SLC14A2: variants seen among roughly 807,000 people sequenced by gnomAD.
The protein encoded by SLC14A2 is solute carrier family 14 member 2, also known as urea transporter 2.
SLC14A2 carries 91 observed loss-of-function variants against 104.6 expected under a neutral mutation model. The observed-to-expected ratio is 0.87, with a 90% confidence interval of 0.73 to 1.04. The LOEUF (loss-of-function observed/expected upper bound fraction) is 1.04, where lower values mean the gene tolerates loss of function less well. Ranked by LOEUF, SLC14A2 falls within the 50% of genes least tolerant of loss-of-function variation. SLC14A2 has a pLI of 0.00. For synonymous variants in SLC14A2, 476 were observed against 466.4 expected, an observed-to-expected ratio of 1.02 and a Z score of -0.27; for missense variants, 1,189 against 1,156.0, an observed-to-expected ratio of 1.03 and a Z score of -0.41.
the SLC14A2 span, among the ~76,000 whole-genome samples, chr18:45,181,610 T>C: frequency 1.6e-4 from 24 of 151,970 alleles, no homozygotes; most frequent in Admixed American, 2.6e-4. Context: ...ATCAAGCAAA[T>C]TCAAGCATAA....
chr18:45,505,232 C>T (rs530836746), intron 2 of SLC14A2, among the ~76,000 whole-genome samples: 1 of 152,132 alleles, frequency 6.6e-6, no homozygotes, highest in South Asian at 2.1e-4. Context: ...ACATGCCTCA[C>T]CACCACCACC....
At chr18:45,319,461 TCA>T (rs1233407173) in intron 1 of SLC14A2, among the ~76,000 whole-genome samples, 1 of 152,224 alleles carries the variant, frequency 6.6e-6, no homozygotes, top group African/African-American at 2.4e-5. Context: ...ATTACACTAC[TCA>T]CACATATAAC....
At chr18:45,289,024 G>A (rs946255482) in intron 1 of SLC14A2, among the ~76,000 whole-genome samples, 1 of 152,222 alleles carries the variant, frequency 6.6e-6, no homozygotes, top group Non-Finnish European at 1.5e-5. Flanking sequence ...ACCTTCAAGA[G>A]TAATCCCAAG....
chr18:45,574,888 G>A (rs796141688), intron 2 of SLC14A2, among the ~76,000 whole-genome samples: 2 of 152,250 alleles, frequency 1.3e-5, no homozygotes, highest in African/African-American at 4.8e-5. Context: ...TAGGCCATGT[G>A]TCCAAGCTTT....
At position 45,644,071 on chromosome 18, in the gene SLC14A2, G is replaced by A; in HGVS notation, c.1262G>A (p.Arg421Lys). The A allele has an allele frequency of 6.2e-7, 1 of 1,614,198 alleles. No individual in the cohort carries two copies. The highest frequency in any genetic ancestry group is 1.6e-4 in the Middle Eastern group (1 of 6,062). Residue 421 changes from arginine to lysine, a missense_variant, in exon 10 of 20, where the codon AGA (arginine) becomes AAA (lysine). Transcript: ENST00000255226. ...ACGACAAACAACCCAGCCATCTTCA[G>A]ACTCCCACTCAGCAAAGTCACCTAC... is the stretch of plus-strand genomic sequence containing the variant. ...LLTTNNPAIFRLPLSKVTYPE... is the reference protein window; with the variant it reads ...LLTTNNPAIFKLPLSKVTYPE...
upstream of SLC14A2, among the ~76,000 whole-genome samples, chr18:45,212,419 C>T (rs549296985): frequency 1.3e-5 from 2 of 152,258 alleles, no homozygotes; most frequent in East Asian, 3.9e-4. Flanking sequence ...TATACAAAGT[C>T]CATCAAATTT....
chr18:45,178,721 A>T, the SLC14A2 span, among the ~76,000 whole-genome samples: 2 of 152,184 alleles, frequency 1.3e-5, no homozygotes, highest in South Asian at 4.1e-4. Context: ...GTACAAGTGG[A>T]AGCAAAGTTT....
chr18:45,366,730 G>A (rs1322075830), intron 1 of SLC14A2, among the ~76,000 whole-genome samples: 1 of 152,156 alleles, frequency 6.6e-6, no homozygotes, highest in Non-Finnish European at 1.5e-5. Flanking sequence ...TGCTTACCTG[G>A]AGTATGTCTC....
At chr18:45,424,943 T>G (rs1340536397) in intron 1 of SLC14A2, among the ~76,000 whole-genome samples, 1 of 152,228 alleles carries the variant, frequency 6.6e-6, no homozygotes, top group Admixed American at 6.5e-5. Context: ...GCTATTTCTC[T>G]TGGTTTAGAG....
At chr18:45,391,961 T>C (rs1020955380) in intron 1 of SLC14A2, among the ~76,000 whole-genome samples, 2 of 152,248 alleles carry the variant, frequency 1.3e-5, no homozygotes, top group Non-Finnish European at 2.9e-5. Context: ...CTGGCTTTTG[T>C]TGCCATTGCT....
the SLC14A2 span, among the ~76,000 whole-genome samples, chr18:45,186,636 C>T: frequency 6.6e-6 from 1 of 152,104 alleles, no homozygotes; most frequent in African/African-American, 2.4e-5. Flanking sequence ...ACTGCAGTTG[C>T]AGGACAAACT....
chr18:45,626,604 C>G (rs1056576303), intron 3 of SLC14A2, among the ~76,000 whole-genome samples: 1 of 152,154 alleles, frequency 6.6e-6, no homozygotes, highest in Non-Finnish European at 1.5e-5. Flanking sequence ...CCCCACCCCC[C>G]CACCTTCCCC....
intron 1 of SLC14A2, among the ~76,000 whole-genome samples, chr18:45,372,420 T>G (rs1033175225): frequency 6.6e-6 from 1 of 152,148 alleles, no homozygotes; most frequent in Non-Finnish European, 1.5e-5. Flanking sequence ...TGGAAACATC[T>G]AACATAGCTT....
the SLC14A2 span, among the ~76,000 whole-genome samples, chr18:45,170,253 CTA>C: frequency 6.6e-6 from 1 of 152,008 alleles, no homozygotes; most frequent in Admixed American, 6.6e-5. Context: ...ATGAGTGACT[CTA>C]TGAATGGGTA....
intron 2 of SLC14A2, among the ~76,000 whole-genome samples, chr18:45,598,923 C>T (rs957847418): frequency 3.3e-5 from 5 of 152,168 alleles, no homozygotes; most frequent in Non-Finnish European, 7.3e-5. Context: ...GAAGGCTCTT[C>T]CTCCCAAGTA....
At chr18:45,413,967 A>G (rs2086241902) in intron 1 of SLC14A2, among the ~76,000 whole-genome samples, 1 of 152,194 alleles carries the variant, frequency 6.6e-6, no homozygotes, top group South Asian at 2.1e-4. Flanking sequence ...AAAAAAGAAA[A>G]TCACGTGGAG....
At chr18:45,461,655 A>G (rs1199249906) in intron 1 of SLC14A2, among the ~76,000 whole-genome samples, 2 of 152,200 alleles carry the variant, frequency 1.3e-5, no homozygotes. Context: ...GACAGAGCCC[A>G]TCATTGCCTG....
At chr18:45,538,551 T>C (rs931721659) in intron 2 of SLC14A2, among the ~76,000 whole-genome samples, 1 of 152,326 alleles carries the variant, frequency 6.6e-6, no homozygotes, top group Admixed American at 6.5e-5. Context: ...CCCTGTGGGC[T>C]TCCCCGTAGG....
intron 1 of SLC14A2, among the ~76,000 whole-genome samples, chr18:45,314,055 A>T (rs1189500762): frequency 5.3e-5 from 8 of 152,242 alleles, no homozygotes; most frequent in Admixed American, 2.0e-4. Flanking sequence ...TGACAAGCAC[A>T]GGCCTGACAC....
Sources: allele counts gnomAD v4.1 joint callset (sites outside exome capture counted in the v4.1 genomes callset), GRCh38; gene constraint gnomAD v4.1.1; transcripts MANE v1.5; gene names NCBI Gene and HGNC (gene_info 2026-07-23, HGNC 2026-07-21).